The following PCDHGB2 variants were observed in gnomAD, a reference collection of about 807,000 sequenced individuals.
PCDHGB2 encodes protocadherin gamma-B2.
PCDHGB2 carries 55 observed loss-of-function variants against 59.3 expected under a neutral mutation model. That is an observed-to-expected ratio of 0.93 (90% CI 0.75 to 1.16). The LOEUF (loss-of-function observed/expected upper bound fraction) is 1.16. PCDHGB2 is among the 50% of genes most tolerant of loss of function. The pLI is 0.00. For missense variants in PCDHGB2, 1,228 were observed against 1,198.5 expected (o/e 1.02, Z -0.36); for synonymous variants, 516 against 512.0 (o/e 1.01, Z -0.11).
In PCDHGB2 at chr5:141,375,919, C is replaced by A. The variant is rs746123042; in HGVS notation, c.2421+13363C>A. Reference sequence around the variant, plus strand: ...TGTCCTACCGCCTGCTCAAGGCCAGCGAGCCAGGACTTTTCTCAGTGGGCC... The same window carrying A: ...TGTCCTACCGCCTGCTCAAGGCCAGAGAGCCAGGACTTTTCTCAGTGGGCC... On this transcript the variant is annotated intron_variant, in intron 1 of 3. Coordinates refer to ENST00000522605, the MANE Select transcript of PCDHGB2 (RefSeq NM_018923.3). 2.5e-5 allele frequency: 40 copies of A among 1,613,612 alleles called. No homozygotes were observed. In the Middle Eastern group the frequency reaches 8.4e-4, roughly 34 times the overall value.
In PCDHGB2 at chr5:141,510,976, G is replaced by A. The variant is rs752758180; in HGVS notation, c.2599G>A (p.Gly867Arg). The change falls in exon 4 of 4, where the codon GGG (glycine) becomes AGG (arginine). Residue 867 changes from glycine to arginine, a missense_variant. Gly to Arg is a moderately radical substitution (Grantham distance 125, BLOSUM62 -2). This residue lies in a region of PCDHGB2 where 433 missense variants were observed against 441.8 expected (regional missense o/e 0.98). Transcript: ENST00000522605. ...EAADGSSTLG[G>R]GAGTMGLSAR... ...TGCTGATGGGAGCTCCACCCTGGGA[G>A]GGGGTGCCGGCACCATGGGATTGAG... The A allele has an allele frequency of 5.0e-6, 8 of 1,614,046 alleles. No individual in the cohort carries two copies. The highest frequency in any genetic ancestry group is 6.8e-6 in the Non-Finnish European group (8 of 1,180,022).
chr5:141,465,171 G>T (rs969390966), intron 1 of PCDHGB2, among the ~76,000 whole-genome samples: 1 of 151,728 alleles, frequency 6.6e-6, no homozygotes, highest in Non-Finnish European at 1.5e-5. Flanking sequence ...TGTTTATGAA[G>T]AAATTTAATT....
At chr5:141,390,432 C>A in intron 1 of PCDHGB2, 2 of 985,350 alleles carry the variant, frequency 2.0e-6, no homozygotes, top group Admixed American at 2.8e-5. Context: ...GCTGTCATAT[C>A]ATTCTACAAA....
chr5:141,397,809 A>G lies in PCDHGB2; in HGVS notation c.2421+35253A>G, dbSNP rs116170608. Among the ~76,000 whole-genome samples, 1,507 of 152,354 alleles carry G rather than the reference A, an allele frequency of 9.9e-3. 33 individuals carry two copies. Among genetic ancestry groups the G allele is most frequent in the African/African-American group, 0.034 (1,415 of 41,586 alleles). ...ACTTGGCTTGTTAAGTTAGGCACACAAAAACAATTACTGCACTGGTTAACT... is the reference window on the plus strand; with the variant it reads ...ACTTGGCTTGTTAAGTTAGGCACACGAAAACAATTACTGCACTGGTTAACT... On this transcript the variant is annotated intron_variant, in intron 1 of 3. Coordinates refer to ENST00000522605, the MANE Select transcript of PCDHGB2 (RefSeq NM_018923.3).
At chr5:141,450,810 AT>A (rs755484062) in intron 1 of PCDHGB2, among the ~76,000 whole-genome samples, 1 of 136,728 alleles carries the variant, frequency 7.3e-6, no homozygotes, top group Admixed American at 7.3e-5. Context: ...TTATTTATTT[AT>A]TTAATATTAT....
In PCDHGB2 at chr5:141,511,335, A is replaced by T; in HGVS notation, c.*162A>T. 7.0e-7 allele frequency: 1 copy of T among 1,438,820 alleles called. No homozygotes were observed. The highest frequency in any genetic ancestry group is 9.2e-7 in the Non-Finnish European group (1 of 1,083,596). The allele number at this position is 1,438,820 out of a possible 1,614,324, so 89.1% of individuals were successfully genotyped here. A position where few individuals can be genotyped will look rare whatever the true frequency, so the allele number is the denominator to read the frequency against. On this transcript the variant is annotated 3_prime_UTR_variant, in exon 4 of 4. Coordinates refer to ENST00000522605, the MANE Select transcript of PCDHGB2 (RefSeq NM_018923.3). ...AAACAGAAACAAGTGCCCAGTCAGC[A>T]CCTACCCCTTCCCCCCCAGGGGGTT...
intron 1 of PCDHGB2, among the ~76,000 whole-genome samples, chr5:141,466,921 AG>A (rs2099132133): frequency 6.6e-6 from 1 of 152,204 alleles, no homozygotes; most frequent in African/African-American, 2.4e-5. Context: ...TCCTTGTATT[AG>A]GAATATTAGT....
At chr5:141,423,173 A>T (rs2096717258) in intron 1 of PCDHGB2, 1 of 1,613,330 alleles carries the variant, frequency 6.2e-7, no homozygotes, top group South Asian at 1.1e-5. Flanking sequence ...GCCGTCCAGG[A>T]CCACGGCCAG....
chr5:141,429,389 A>T (rs6890456), intron 1 of PCDHGB2, among the ~76,000 whole-genome samples: 7,460 of 147,570 alleles, frequency 0.051, 197 homozygotes, highest in South Asian at 0.075. Flanking sequence ...TTTTTTTTTA[A>T]AAAAAATTGA....
chr5:141,400,594 A>G (rs2150867049), intron 1 of PCDHGB2: 1 of 1,603,498 alleles, frequency 6.2e-7, no homozygotes, highest in Non-Finnish European at 8.5e-7. Context: ...AAACTATCGT[A>G]CATTTTCAAG....
At chr5:141,370,526 C>G in intron 1 of PCDHGB2, 1 of 1,613,860 alleles carries the variant, frequency 6.2e-7, no homozygotes, top group Non-Finnish European at 8.5e-7. Flanking sequence ...TGGACAGGGG[C>G]TCGCTGGTAG....
intron 1 of PCDHGB2, chr5:141,379,340 T>C (rs576770875): frequency 1.3e-5 from 2 of 152,350 alleles, no homozygotes; most frequent in South Asian, 4.1e-4. Flanking sequence ...TCTTCAAAGC[T>C]CATTTTCTTG....
chr5:141,443,826 G>C (rs955306823), intron 1 of PCDHGB2, among the ~76,000 whole-genome samples: 1 of 151,978 alleles, frequency 6.6e-6, no homozygotes, highest in African/African-American at 2.4e-5. Flanking sequence ...AACATAATTA[G>C]GTAAAATGGG....
intron 1 of PCDHGB2, chr5:141,399,529 G>A (rs946281582): frequency 3.1e-6 from 5 of 1,613,892 alleles, no homozygotes; most frequent in Non-Finnish European, 4.2e-6. Flanking sequence ...GGCCTCCATC[G>A]CGCAAGTCTG....
chr5:141,408,256 T>C, intron 1 of PCDHGB2: 1 of 1,602,226 alleles, frequency 6.2e-7, no homozygotes, highest in East Asian at 2.3e-5. Flanking sequence ...AGGTGCTATT[T>C]CCTTTGCTGC....
At position 141,476,746 on chromosome 5, in the gene PCDHGB2, C is replaced by A; in HGVS notation, c.2422-18061C>A. 1 of 1,614,068 alleles carries A rather than the reference C, an allele frequency of 6.2e-7. No homozygotes were observed. On this transcript the variant is annotated intron_variant, in intron 1 of 3. Transcript: ENST00000522605. The surrounding 1 kb of genome is among the most constrained non-coding windows in gnomAD (Gnocchi z 7.6). ...TGGACCGAGAACGGGAGCCTAGTCT[C>A]CAGTTAGTGCTGACGGCGTTGGACG...
At position 141,486,761 on chromosome 5, in the gene PCDHGB2, A is replaced by G. The variant is rs1368106682; in HGVS notation, c.2422-8046A>G. 1 of 1,614,114 alleles carries G rather than the reference A, an allele frequency of 6.2e-7. No homozygotes were observed. The highest frequency in any genetic ancestry group is 8.5e-7 in the Non-Finnish European group (1 of 1,180,056). ...ATCCTTTGACTATGAGCAAACCCAG[A>G]CACTGCAGTTTGAGGTGCAGGCCCG... On this transcript the variant is annotated intron_variant, in intron 1 of 3. Transcript: ENST00000522605. The surrounding 1 kb of genome is among the most constrained non-coding windows in gnomAD (Gnocchi z 5.0).
rs754294132 is a variant in PCDHGB2, at chr5:141,389,121, A to G, written c.2421+26565A>G. ...AGATGCTGTTCTAGACCGCGAGCAG[A>G]ATCCAGAGTACAATATAACCGTTAC... is the stretch of plus-strand genomic sequence containing the variant. On this transcript the variant is annotated intron_variant, in intron 1 of 3. Coordinates refer to ENST00000522605, the MANE Select transcript of PCDHGB2 (RefSeq NM_018923.3). The G allele has an allele frequency of 1.1e-5, 17 of 1,613,910 alleles. No individual in the cohort carries two copies. In the Admixed American group the frequency reaches 2.8e-4, roughly 27 times the overall value.
Position 141,485,631 on chromosome 5 carries a change from C to T in PCDHGB2, c.2422-9176C>T. 6.2e-7 allele frequency: 1 copy of T among 1,611,764 alleles called. No homozygotes were observed. The highest frequency in any genetic ancestry group is 8.5e-7 in the Non-Finnish European group (1 of 1,178,360). Reference sequence around the variant, plus strand: ...GCAGCTCCTCCAGGACAGCGTTTCCCGTTGGAAAAGGCTCAGGATGCAGAT... The same window carrying T: ...GCAGCTCCTCCAGGACAGCGTTTCCTGTTGGAAAAGGCTCAGGATGCAGAT... On this transcript the variant is annotated intron_variant, in intron 1 of 3. Coordinates refer to ENST00000522605, the MANE Select transcript of PCDHGB2 (RefSeq NM_018923.3). The surrounding 1 kb of genome is among the most constrained non-coding windows in gnomAD (Gnocchi z 5.7).
Sources: gnomAD v4.1 joint callset for allele counts (sites outside exome capture counted in the v4.1 genomes callset) on GRCh38, gnomAD v4.1.1 for gene constraint, gnomAD v4.1.1 regional missense constraint, Gnocchi (gnomAD v3.1) non-coding constraint, MANE v1.5 for transcripts, NCBI Gene and HGNC (gene_info 2026-07-23, HGNC 2026-07-21) for gene names.